DIP2B: variants seen among roughly 807,000 people sequenced by gnomAD.
DIP2B encodes DIP2 acetate--CoA ligase B (putative).
A neutral mutation model predicts 198.0 loss-of-function variants in DIP2B; 76 were observed. The ratio of observed to expected loss-of-function variants is 0.38; its 90% CI spans 0.32 to 0.46. DIP2B has a LOEUF of 0.46. Ranked by LOEUF, DIP2B falls within the 20% of genes least tolerant of loss-of-function variation. The pLI is 0.99. For missense variants in DIP2B, 1,559 were observed against 1,978.4 expected (o/e 0.79, Z 4.02); for synonymous variants, 701 against 739.1 (o/e 0.95, Z 0.84).
At chr12:50,619,032 G>T (rs1937753481) in intron 1 of DIP2B, among the ~76,000 whole-genome samples, 1 of 151,780 alleles carries the variant, frequency 6.6e-6, no homozygotes, top group African/African-American at 2.4e-5. Flanking sequence ...CCTTCCCAAA[G>T]TCCCCCCACC....
chr12:50,675,413 A>C lies in DIP2B; in HGVS notation c.881A>C (p.Glu294Ala). 1 of 1,613,958 alleles carries C rather than the reference A, an allele frequency of 6.2e-7. No individual in the cohort carries two copies. ...LKRPKRPPLK[E>A]FFVDDSEEIV... is the part of the protein sequence containing the mutation. Reference sequence around the variant, plus strand: ...CGACCCAAAAGGCCTCCCTTAAAGGAATTTTTTGTGGATGACTCTGAAGAA... The same window carrying C: ...CGACCCAAAAGGCCTCCCTTAAAGGCATTTTTTGTGGATGACTCTGAAGAA... Residue 294 changes from glutamate to alanine, a missense_variant, in exon 7 of 38, where the codon GAA becomes GCA. Glu to Ala is a moderately radical substitution (Grantham distance 107). Coordinates refer to ENST00000301180, the MANE Select transcript of DIP2B (RefSeq NM_173602.3).
In DIP2B at chr12:50,601,357, T is replaced by G. The variant is rs182474052; in HGVS notation, c.101-24619T>G. ...TATTTTTTTGTTTGTTTGTTTGTTT[T>G]TTTTTTAGACAGAGTCTTGCTCTGT... On this transcript the variant is annotated intron_variant, in intron 1 of 37. Coordinates refer to ENST00000301180, the MANE Select transcript of DIP2B (RefSeq NM_173602.3). Among the ~76,000 whole-genome samples the G allele has an allele frequency of 4.0e-3, 608 of 152,138 alleles. 4 individuals carry two copies. The highest frequency in any genetic ancestry group is 7.1e-3 in the Admixed American group (108 of 15,288).
intron 1 of DIP2B, among the ~76,000 whole-genome samples, chr12:50,577,902 T>G (rs1958678189): frequency 6.6e-6 from 1 of 152,230 alleles, no homozygotes; most frequent in Non-Finnish European, 1.5e-5. Context: ...TCTGTGATAC[T>G]GCATCAAAAG....
At chr12:50,665,171 G>T (rs1244669618) in intron 4 of DIP2B, among the ~76,000 whole-genome samples, 1 of 152,030 alleles carries the variant, frequency 6.6e-6, no homozygotes, top group East Asian at 1.9e-4. Context: ...ATGATACCCA[G>T]CAACAGATTG....
chr12:50,669,264 A>G (rs945534541), intron 4 of DIP2B, among the ~76,000 whole-genome samples: 2 of 152,040 alleles, frequency 1.3e-5, no homozygotes, highest in African/African-American at 4.8e-5. Flanking sequence ...ACACTTCACA[A>G]CCCCTAGGAC....
At chr12:50,680,853 C>A in intron 9 of DIP2B, 90 bp downstream of exon 9, 1 of 1,220,162 alleles carries the variant, frequency 8.2e-7, no homozygotes, top group Non-Finnish European at 1.2e-6. Flanking sequence ...TCATATACAA[C>A]AGGAAAATTT....
chr12:50,620,724 A>C (rs1041655233), intron 1 of DIP2B, among the ~76,000 whole-genome samples: 1 of 152,222 alleles, frequency 6.6e-6, no homozygotes, highest in African/African-American at 2.4e-5. Context: ...TTTTTGTTCT[A>C]TATGCCAGAT....
At chr12:50,590,465 G>T (rs1593634854) in intron 1 of DIP2B, among the ~76,000 whole-genome samples, 1 of 152,280 alleles carries the variant, frequency 6.6e-6, no homozygotes, top group Middle Eastern at 3.4e-3. Flanking sequence ...CGCCTCCGGG[G>T]TTCAAGCAAT....
chr12:50,540,053 G>GTTTTTTTT lies in DIP2B; in HGVS notation c.100+34835_100+34842dup, dbSNP rs60978324. Among the ~76,000 whole-genome samples the GTTTTTTTT allele has an allele frequency of 4.2e-3, 184 of 44,142 alleles. 4 individuals carry two copies. Among genetic ancestry groups the GTTTTTTTT allele is most frequent in the African/African-American group, 6.5e-3 (62 of 9,554 alleles). 29.0% of individuals were successfully genotyped at this position (44,142 alleles called of 152,430 possible). A position where few individuals can be genotyped will look rare whatever the true frequency, so the allele number is the denominator to read the frequency against. ...TGGCAGGTAGTTTAGTTGTTTCTGT[G>GTTTTTTTT]TTTTTTTTTTTTTTTTTTTTTTTTT... is the stretch of plus-strand genomic sequence containing the variant. On this transcript the variant is annotated intron_variant, in intron 1 of 37. Coordinates refer to ENST00000301180, the MANE Select transcript of DIP2B (RefSeq NM_173602.3).
chr12:50,614,407 T>C (rs955125272), intron 1 of DIP2B, among the ~76,000 whole-genome samples: 2 of 135,116 alleles, frequency 1.5e-5, no homozygotes, highest in Non-Finnish European at 3.3e-5. Flanking sequence ...GCTGCATTCC[T>C]TCTGGGTGAT....
At chr12:50,680,557 C>A in intron 8 of DIP2B, 115 bp from the exon 9 acceptor site, 4 of 890,500 alleles carry the variant, frequency 4.5e-6, no homozygotes, top group Admixed American at 2.2e-5. Context: ...TCTAACCCAT[C>A]ATTTGGAAGT....
chr12:50,513,396 C>T (rs1447709485), intron 1 of DIP2B, among the ~76,000 whole-genome samples: 1 of 152,168 alleles, frequency 6.6e-6, no homozygotes, highest in East Asian at 1.9e-4. Context: ...ATGTACATTT[C>T]TGAGCCTACA....
intron 8 of DIP2B, chr12:50,680,275 A>AAG (rs1159727038): frequency 2.0e-5 from 3 of 153,708 alleles, no homozygotes; most frequent in Admixed American, 6.5e-5. Flanking sequence ...AAAAAAAAAA[A>AAG]AAAAAAACTT....
intron 5 of DIP2B, among the ~76,000 whole-genome samples, chr12:50,672,944 T>C (rs1938879761): frequency 6.6e-6 from 1 of 152,210 alleles, no homozygotes; most frequent in Non-Finnish European, 1.5e-5. Flanking sequence ...ATATACACTA[T>C]TGTGTGACTC....
chr12:50,618,307 G>A (rs865954539), intron 1 of DIP2B, among the ~76,000 whole-genome samples: 2 of 152,198 alleles, frequency 1.3e-5, no homozygotes, highest in Non-Finnish European at 2.9e-5. Flanking sequence ...TGAGGATTTC[G>A]TGGTGAGGCA....
At chr12:50,516,451 G>T (rs529983906) in intron 1 of DIP2B, among the ~76,000 whole-genome samples, 14 of 151,926 alleles carry the variant, frequency 9.2e-5, no homozygotes, top group Non-Finnish European at 1.0e-4. Flanking sequence ...ATGGGGTCTC[G>T]TTATGTTTCC....
intron 1 of DIP2B, among the ~76,000 whole-genome samples, chr12:50,561,264 G>A (rs1414828829): frequency 6.6e-6 from 1 of 152,100 alleles, no homozygotes; most frequent in African/African-American, 2.4e-5. Context: ...GACATTTCCA[G>A]GTTCTTAAAG....
chr12:50,594,021 A>G (rs1299121617), intron 1 of DIP2B, among the ~76,000 whole-genome samples: 1 of 147,314 alleles, frequency 6.8e-6, no homozygotes, highest in Non-Finnish European at 1.5e-5. Context: ...GTTCACTGCA[A>G]CCTCCGCCTC....
chr12:50,682,989 T>C, intron 9 of DIP2B, 149 bp from the exon 10 acceptor site: 1 of 641,596 alleles, frequency 1.6e-6, no homozygotes, highest in Non-Finnish European at 2.5e-6. Context: ...TGTCTCTATC[T>C]CAGTAACTTA....
Sources: gnomAD v4.1 joint callset for allele counts (sites outside exome capture counted in the v4.1 genomes callset) on GRCh38, gnomAD v4.1.1 for gene constraint, MANE v1.5 for transcripts, NCBI Gene and HGNC (gene_info 2026-07-23, HGNC 2026-07-21) for gene names.